TEF: variants seen among roughly 807,000 people sequenced by gnomAD.
TEF encodes TEF transcription factor, PAR bZIP family member, also known as thyrotroph embryonic factor.
Under a neutral mutation model 20.8 loss-of-function variants are expected in TEF, and 3 were observed. The observed-to-expected ratio is 0.14, with a 90% CI of 0.07 to 0.37. The LOEUF (loss-of-function observed/expected upper bound fraction) is 0.37, where lower values mean the gene tolerates loss of function less well. Ranked by LOEUF, TEF falls within the 10% of genes least tolerant of loss-of-function variation. The pLI is 1.00. For missense variants in TEF, 296 were observed against 397.9 expected, an observed-to-expected ratio of 0.74 and a Z score of 2.18; for synonymous variants, 180 against 171.1, an observed-to-expected ratio of 1.05 and a Z score of -0.41.
chr22:41,377,544 G>T (rs1050913907), upstream of TEF, among the ~76,000 whole-genome samples: 2 of 152,176 alleles, frequency 1.3e-5, no homozygotes, highest in African/African-American at 4.8e-5. Flanking sequence ...ACGGGGCAAG[G>T]TCACACCAAT....
At chr22:41,392,276 G>A (rs556148378) in intron 2 of TEF, among the ~76,000 whole-genome samples, 1 of 152,306 alleles carries the variant, frequency 6.6e-6, no homozygotes, top group South Asian at 2.1e-4. Flanking sequence ...CAGCCAGCCA[G>A]ACTAAGTTTC....
chr22:41,387,633 C>G lies in TEF; in HGVS notation c.440C>G (p.Ala147Gly). The G allele has an allele frequency of 6.2e-7, 1 of 1,614,088 alleles. No homozygotes were observed. The highest frequency in any genetic ancestry group is 1.1e-5 in the South Asian group (1 of 91,078). The part of the protein sequence containing the change: ...STASPPSSST[A>G]IFQPSETVSS... ...GCATCCCCACCATCCTCCTCCACTG[C>G]CATCTTTCAGCCCTCTGAAACCGTG... The change falls in exon 2 of 4, where the codon GCC (alanine) becomes GGC (glycine). Residue 147 changes from alanine to glycine, a missense_variant. Physicochemically the swap from Ala to Gly is moderately conservative, Grantham distance 60 (BLOSUM62 0). This residue lies in a region of TEF where 194 missense variants were observed against 317.8 expected (regional missense o/e 0.61). Coordinates refer to ENST00000266304, the MANE Select transcript of TEF (RefSeq NM_003216.4).
intron 2 of TEF, among the ~76,000 whole-genome samples, chr22:41,390,661 G>A (rs2037153883): frequency 6.6e-6 from 1 of 151,882 alleles, no homozygotes. Context: ...ACCACACCTG[G>A]CTAATTTTTG....
intron 2 of TEF, among the ~76,000 whole-genome samples, chr22:41,388,590 A>G (rs1601822398): frequency 6.6e-6 from 1 of 151,936 alleles, no homozygotes; most frequent in African/African-American, 2.4e-5. Flanking sequence ...AAAAAAAAAA[A>G]AAAAGAAAGC....
chr22:41,379,294 C>T (rs986710979), upstream of TEF, among the ~76,000 whole-genome samples: 1 of 152,052 alleles, frequency 6.6e-6, no homozygotes, highest in Non-Finnish European at 1.5e-5. Flanking sequence ...ACCGAGATCC[C>T]GCCATTTGCA....
At chr22:41,377,944 A>T (rs1174986222), upstream of TEF, among the ~76,000 whole-genome samples, 1 of 152,130 alleles carries the variant, frequency 6.6e-6, no homozygotes, top group Non-Finnish European at 1.5e-5. Flanking sequence ...AAAAAAAGAA[A>T]ATCTAAATCT....
chr22:41,385,864 T>G (rs2037091534), intron 1 of TEF, among the ~76,000 whole-genome samples: 2 of 152,194 alleles, frequency 1.3e-5, no homozygotes, highest in Non-Finnish European at 1.5e-5. Context: ...TTTGTATTTT[T>G]AGTAAAGACA....
At chr22:41,370,999 C>T (rs1157341382) in intron 1 of TEF, among the ~76,000 whole-genome samples, 1 of 152,214 alleles carries the variant, frequency 6.6e-6, no homozygotes, top group Non-Finnish European at 1.5e-5. Flanking sequence ...CAAGCCCTGA[C>T]TCAGTTTCCC....
chr22:41,386,024 A>G (rs2037093219), intron 1 of TEF, among the ~76,000 whole-genome samples: 1 of 151,504 alleles, frequency 6.6e-6, no homozygotes, highest in South Asian at 2.1e-4. Context: ...ACAGGGTTTC[A>G]TCATGTTGGC....
chr22:41,367,669 C>T (rs2036837497), intron 1 of TEF: 1 of 1,468,106 alleles, frequency 6.8e-7, no homozygotes, highest in African/African-American at 1.4e-5. Context: ...CAGCCACAGG[C>T]ACAGTGGCAG....
At chr22:41,384,346 G>C (rs1418651176) in intron 1 of TEF, among the ~76,000 whole-genome samples, 3 of 151,748 alleles carry the variant, frequency 2.0e-5, no homozygotes, top group Non-Finnish European at 4.4e-5. Context: ...CCCTCTCTTG[G>C]ATATCCACAT....
chr22:41,380,128 C>G (rs2036997473), upstream of TEF, among the ~76,000 whole-genome samples: 1 of 151,910 alleles, frequency 6.6e-6, no homozygotes, highest in African/African-American at 2.4e-5. Context: ...TCTTTTTCCT[C>G]CTTACCCCGC....
intron 1 of TEF, among the ~76,000 whole-genome samples, chr22:41,385,104 C>T (rs1413733291): frequency 6.6e-6 from 1 of 152,170 alleles, no homozygotes; most frequent in Non-Finnish European, 1.5e-5. Context: ...TGGCTTATGC[C>T]TGTAATCCCA....
chr22:41,382,752 C>G (rs1009549992), intron 1 of TEF, among the ~76,000 whole-genome samples: 1 of 151,290 alleles, frequency 6.6e-6, no homozygotes, highest in African/African-American at 2.4e-5. Context: ...CAACGGGAGC[C>G]TTTCTGTTGC....
chr22:41,384,139 G>T (rs1281310068), intron 1 of TEF, among the ~76,000 whole-genome samples: 1 of 152,146 alleles, frequency 6.6e-6, no homozygotes, highest in Non-Finnish European at 1.5e-5. Flanking sequence ...TCCATGTGTG[G>T]CTGGTTTATT....
rs376379586 is a variant in TEF at position 41,394,132 on chromosome 22, C to T, written c.512C>T (p.Pro171Leu). The T allele has an allele frequency of 6.2e-6, 10 of 1,614,046 alleles. No homozygotes were observed. Among genetic ancestry groups the T allele is most frequent in the South Asian group, 5.5e-5 (5 of 91,076 alleles). Residue 171 changes from proline to leucine, a missense_variant, in exon 3 of 4, where the codon CCC becomes CTC. Pro to Leu is a moderately conservative substitution (Grantham distance 98, BLOSUM62 -3). Transcript: ENST00000266304. ...SLEKERETPS[P>L]IDPNCVEVDV... ...GAGAAGGAGAGGGAGACTCCCAGTCCCATCGACCCCAATTGTGTGGAAGTG... is the reference window on the plus strand; with the variant it reads ...GAGAAGGAGAGGGAGACTCCCAGTCTCATCGACCCCAATTGTGTGGAAGTG...
chr22:41,396,564 G>C lies in TEF; in HGVS notation c.*604G>C. 1 of 179,058 alleles carries C rather than the reference G, an allele frequency of 5.6e-6. No individual in the cohort carries two copies. Among genetic ancestry groups the C allele is most frequent in the Admixed American group, 6.2e-5 (1 of 16,068 alleles). 11.1% of individuals were successfully genotyped at this position (179,058 alleles called of 1,614,324 possible). A position where few individuals can be genotyped will look rare whatever the true frequency, so the allele number is the denominator to read the frequency against. ...CAGCCTGGGATGGGGCTTGGGGCTG[G>C]GGCCTGCAGCAGAAGTGTGCCCAGC... On this transcript the variant is annotated 3_prime_UTR_variant, in exon 4 of 4. Transcript: ENST00000266304.
rs371864233 is a variant in TEF at position 41,395,972 on chromosome 22, C to A, written c.*12C>A. On this transcript the variant is annotated 3_prime_UTR_variant, in exon 4 of 4. Coordinates refer to ENST00000266304, the MANE Select transcript of TEF (RefSeq NM_003216.4). ...ACGGGCCCTTGTAACCCGTGCCCCC[C>A]GCCCGGGCGGGGTACTGCCTGCACC... 1.5e-5 allele frequency: 24 copies of A among 1,604,596 alleles called. No individual in the cohort carries two copies. Among genetic ancestry groups the A allele is most frequent in the Non-Finnish European group, 1.8e-5 (21 of 1,172,384 alleles).
In TEF at chr22:41,398,008, C is replaced by T. The variant is rs2037250482; in HGVS notation, c.*2048C>T. 1 of 152,140 alleles carries T rather than the reference C, an allele frequency of 6.6e-6. No individual in the cohort carries two copies. The highest frequency in any genetic ancestry group is 1.5e-5 in the Non-Finnish European group (1 of 68,034). The allele number at this position is 152,140 out of a possible 1,614,324, so 9.4% of individuals were successfully genotyped here. A position where few individuals can be genotyped will look rare whatever the true frequency, so the allele number is the denominator to read the frequency against. On this transcript the variant is annotated 3_prime_UTR_variant, in exon 4 of 4. Transcript: ENST00000266304. ...GTGGCTCGATGTGTCTCCTCTTTAT[C>T]CCGCCCTCTGCCTGTTTGGTGCCCT...
Sources: gnomAD v4.1 joint callset for allele counts (sites outside exome capture counted in the v4.1 genomes callset) on GRCh38, gnomAD v4.1.1 for gene constraint, gnomAD v4.1.1 regional missense constraint, MANE v1.5 for transcripts, NCBI Gene and HGNC (gene_info 2026-07-23, HGNC 2026-07-21) for gene names.